The following CHL1 variants were observed in gnomAD, a reference collection of about 807,000 sequenced individuals.
CHL1 encodes the protein cell adhesion molecule L1 like, also known as neural cell adhesion molecule L1-like protein.
In CHL1, 96 loss-of-function variants were observed where a neutral mutation model predicts 141.9. That is an observed-to-expected ratio of 0.68 (90% confidence interval 0.57 to 0.80). The LOEUF is 0.80. CHL1 is among the 30% of genes least tolerant of loss of function. The pLI is 0.00. For synonymous variants in CHL1, 613 were observed against 502.2 expected, an observed-to-expected ratio of 1.22 and a Z score of -2.95; for missense variants, 1,820 against 1,457.2, an observed-to-expected ratio of 1.25 and a Z score of -4.05.
intron 2 of CHL1, among the ~76,000 whole-genome samples, chr3:297,571 T>C (rs1698307282): frequency 6.6e-6 from 1 of 152,208 alleles, no homozygotes; most frequent in African/African-American, 2.4e-5. Flanking sequence ...CAACATATTA[T>C]ATTTTAAAAT....
intron 2 of CHL1, among the ~76,000 whole-genome samples, chr3:275,944 T>C (rs969485709): frequency 6.6e-6 from 1 of 152,100 alleles, no homozygotes; most frequent in Non-Finnish European, 1.5e-5. Context: ...TTTTACCTTA[T>C]TTAATCCTTA....
intron 2 of CHL1, among the ~76,000 whole-genome samples, chr3:274,596 C>T (rs1341815541): frequency 6.6e-6 from 1 of 152,174 alleles, no homozygotes; most frequent in Non-Finnish European, 1.5e-5. Context: ...TATTTTTTTA[C>T]TCTAGTGAGC....
At chr3:375,992 T>A (rs554454371) in intron 15 of CHL1, among the ~76,000 whole-genome samples, 2 of 151,834 alleles carry the variant, frequency 1.3e-5, no homozygotes, top group Non-Finnish European at 2.9e-5. Flanking sequence ...AGGAGTCGAG[T>A]GGTTTTAGTG....
chr3:362,725 T>C (rs1490496076), intron 13 of CHL1, among the ~76,000 whole-genome samples: 1 of 152,040 alleles, frequency 6.6e-6, no homozygotes, highest in Non-Finnish European at 1.5e-5. Context: ...TTGGAGGAAA[T>C]GGCTCTGGGG....
intron 6 of CHL1, 99 bp downstream of exon 6, chr3:341,015 T>A: frequency 1.6e-6 from 2 of 1,288,106 alleles, no homozygotes; most frequent in Non-Finnish European, 2.2e-6. Flanking sequence ...AAAATAAAGA[T>A]CTCTTAATTT....
chr3:300,601 G>C (rs193258441), intron 2 of CHL1, among the ~76,000 whole-genome samples: 2 of 152,186 alleles, frequency 1.3e-5, no homozygotes, highest in Non-Finnish European at 2.9e-5. Flanking sequence ...TCTGTGCAAG[G>C]CAATACCTTT....
intron 1 of CHL1, among the ~76,000 whole-genome samples, chr3:212,986 A>G (rs190996554): frequency 6.6e-6 from 1 of 152,356 alleles, no homozygotes; most frequent in Admixed American, 6.5e-5. Context: ...TTATTACCTT[A>G]AATGAAACAC....
chr3:285,801 T>G (rs1033804433), intron 2 of CHL1, among the ~76,000 whole-genome samples: 1 of 152,068 alleles, frequency 6.6e-6, no homozygotes, highest in Non-Finnish European at 1.5e-5. Context: ...ACAACAACAA[T>G]ATTTTTATTT....
chr3:288,513 C>T (rs1421716466), intron 2 of CHL1, among the ~76,000 whole-genome samples: 1 of 152,154 alleles, frequency 6.6e-6, no homozygotes, highest in Non-Finnish European at 1.5e-5. Flanking sequence ...TACTGTTCCT[C>T]TGAGTCTGTC....
chr3:276,663 GC>G (rs1238895417), intron 2 of CHL1, among the ~76,000 whole-genome samples: 6 of 151,946 alleles, frequency 3.9e-5, no homozygotes, highest in African/African-American at 1.2e-4. Flanking sequence ...GCCGAGGGGG[GC>G]GGATCACGAG....
intron 1 of CHL1, among the ~76,000 whole-genome samples, chr3:232,047 A>G (rs981295072): frequency 6.6e-6 from 1 of 152,140 alleles, no homozygotes; most frequent in African/African-American, 2.4e-5. Flanking sequence ...ACTTATCAGT[A>G]TTTGGCAGGA....
At chr3:365,064 A>G (rs1704698095) in intron 14 of CHL1, among the ~76,000 whole-genome samples, 1 of 152,202 alleles carries the variant, frequency 6.6e-6, no homozygotes, top group African/African-American at 2.4e-5. Context: ...AATTTTATTA[A>G]TACTTTCCAT....
rs185331269 is a variant in CHL1, at chr3:303,765, A to C, written c.-94-15918A>C. Among the ~76,000 whole-genome samples the C allele has an allele frequency of 1.3e-3, 193 of 152,228 alleles. 2 individuals carry two copies. The South Asian group carries it at 0.019, about 15-fold the overall frequency. On this transcript the variant is annotated intron_variant, in intron 2 of 27. Coordinates refer to ENST00000256509, the MANE Select transcript of CHL1 (RefSeq NM_006614.4). ...GGCCGGAACTTCCAATACTATGTTG[A>C]ATAGGAGTGGTGAGAGAGGGCATCC...
chr3:375,878 C>T (rs1706250695), intron 15 of CHL1, among the ~76,000 whole-genome samples: 1 of 152,172 alleles, frequency 6.6e-6, no homozygotes, highest in Non-Finnish European at 1.5e-5. Flanking sequence ...ATCGTTTTGT[C>T]ATAGTGCCTT....
intron 27 of CHL1, among the ~76,000 whole-genome samples, chr3:404,615 G>T (rs1183261099): frequency 6.6e-6 from 1 of 152,086 alleles, no homozygotes; most frequent in African/African-American, 2.4e-5. Flanking sequence ...GTCTTAAAAT[G>T]TAACAAACTT....
At chr3:328,737 T>G (rs1701208780) in intron 5 of CHL1, among the ~76,000 whole-genome samples, 1 of 152,166 alleles carries the variant, frequency 6.6e-6, no homozygotes. Flanking sequence ...GCCTGGCAAC[T>G]CTTTCATGCA....
intron 4 of CHL1, among the ~76,000 whole-genome samples, chr3:327,603 T>C (rs1013438118): frequency 6.6e-6 from 1 of 151,976 alleles, no homozygotes; most frequent in Non-Finnish European, 1.5e-5. Flanking sequence ...AACATTGAAA[T>C]GGTTAAAAGT....
At chr3:400,057 G>T (rs1023127473) in intron 26 of CHL1, among the ~76,000 whole-genome samples, 1 of 152,134 alleles carries the variant, frequency 6.6e-6, no homozygotes, top group Non-Finnish European at 1.5e-5. Flanking sequence ...TATACATATT[G>T]TATCAAGATG....
chr3:313,911 T>C (rs1699949986), intron 2 of CHL1, among the ~76,000 whole-genome samples: 1 of 152,174 alleles, frequency 6.6e-6, no homozygotes, highest in Non-Finnish European at 1.5e-5. Flanking sequence ...TTAGGTGGGC[T>C]ATAACTTTCA....
Sources: gnomAD v4.1 joint callset for allele counts (sites outside exome capture counted in the v4.1 genomes callset) on GRCh38, gnomAD v4.1.1 for gene constraint, MANE v1.5 for transcripts, NCBI Gene and HGNC (gene_info 2026-07-23, HGNC 2026-07-21) for gene names.